SYT9: variants seen among roughly 807,000 people sequenced by gnomAD.
The protein encoded by SYT9 is synaptotagmin 9, also known as synaptotagmin-9.
Under a neutral mutation model 48.4 loss-of-function variants are expected in SYT9, and 22 were observed. The observed-to-expected ratio is 0.45, with a 90% CI of 0.32 to 0.65. The LOEUF is 0.65. Among genes scored for constraint, SYT9 ranks in the 30% least tolerant of loss-of-function variants. SYT9 has a pLI of 0.03. For synonymous variants in SYT9, 265 were observed against 245.0 expected (o/e 1.08, Z -0.76); for missense variants, 577 against 622.0 (o/e 0.93, Z 0.77).
At chr11:7,338,794 GT>G (rs1421234544) in intron 3 of SYT9, among the ~76,000 whole-genome samples, 1 of 152,100 alleles carries the variant, frequency 6.6e-6, no homozygotes. Context: ...TATGTGCCAT[GT>G]AGTGATGAGA....
upstream of SYT9, among the ~76,000 whole-genome samples, chr11:7,251,428 GGGCCTGTGCTT>G (rs1281881262): frequency 2.0e-5 from 3 of 152,096 alleles, no homozygotes; most frequent in Non-Finnish European, 4.4e-5. Flanking sequence ...TGGTCGAAAA[GGGCCTGTGCTT>G]GGGAAATCCT....
chr11:7,266,738 G>A (rs1848191418), intron 1 of SYT9, among the ~76,000 whole-genome samples: 1 of 152,002 alleles, frequency 6.6e-6, no homozygotes, highest in Admixed American at 6.6e-5. Flanking sequence ...ATATGCCTTT[G>A]TTGTAAAATG....
intron 2 of SYT9, among the ~76,000 whole-genome samples, chr11:7,312,934 C>G (rs1423200208): frequency 6.6e-6 from 1 of 152,158 alleles, no homozygotes; most frequent in Non-Finnish European, 1.5e-5. Flanking sequence ...CCTTATAAAG[C>G]TATAAGCCAG....
chr11:7,362,356 A>G (rs1417405337), intron 3 of SYT9, among the ~76,000 whole-genome samples: 1 of 151,632 alleles, frequency 6.6e-6, no homozygotes, highest in Non-Finnish European at 1.5e-5. Context: ...ACTGATCTCA[A>G]ACTCCTGGCC....
intron 3 of SYT9, among the ~76,000 whole-genome samples, chr11:7,386,730 G>C (rs1303401300): frequency 6.6e-6 from 1 of 152,222 alleles, no homozygotes; most frequent in East Asian, 1.9e-4. Flanking sequence ...CATTGTGGAA[G>C]TCAGTGTGGC....
chr11:7,355,891 T>C (rs1445867135), intron 3 of SYT9, among the ~76,000 whole-genome samples: 1 of 152,234 alleles, frequency 6.6e-6, no homozygotes, highest in Admixed American at 6.5e-5. Context: ...CAGGAGCTCA[T>C]TGGTGGCCCA....
chr11:7,339,160 T>G (rs1453931364), intron 3 of SYT9, among the ~76,000 whole-genome samples: 1 of 152,130 alleles, frequency 6.6e-6, no homozygotes, highest in African/African-American at 2.4e-5. Flanking sequence ...TTATCTGAAG[T>G]TAGGATTGCA....
intron 5 of SYT9, among the ~76,000 whole-genome samples, chr11:7,418,775 G>C (rs1344996182): frequency 6.6e-6 from 1 of 152,084 alleles, no homozygotes; most frequent in African/African-American, 2.4e-5. Context: ...TGTATTTAAA[G>C]GACAGATTTG....
chr11:7,429,650 T>C (rs1181586028), intron 6 of SYT9, among the ~76,000 whole-genome samples: 1 of 152,212 alleles, frequency 6.6e-6, no homozygotes, highest in Non-Finnish European at 1.5e-5. Context: ...TTGGTGTTCT[T>C]TGGGAGTGAA....
chr11:7,316,853 G>T (rs1182490442), intron 3 of SYT9, among the ~76,000 whole-genome samples: 1 of 152,290 alleles, frequency 6.6e-6, no homozygotes, highest in African/African-American at 2.4e-5. Context: ...TATATTATTG[G>T]CATTTCTTCA....
intron 6 of SYT9, chr11:7,444,617 G>A (rs1394241133): frequency 6.6e-6 from 1 of 152,108 alleles, no homozygotes; most frequent in Non-Finnish European, 1.5e-5. Flanking sequence ...GTTTTCAGAT[G>A]GTTTTAAGTG....
intron 2 of SYT9, among the ~76,000 whole-genome samples, chr11:7,311,702 A>G (rs954748406): frequency 6.6e-6 from 1 of 152,230 alleles, no homozygotes; most frequent in Non-Finnish European, 1.5e-5. Flanking sequence ...TCTTTTGTAA[A>G]GAAAACTCAA....
At chr11:7,370,037 A>C (rs1022163609) in intron 3 of SYT9, among the ~76,000 whole-genome samples, 2 of 152,008 alleles carry the variant, frequency 1.3e-5, no homozygotes, top group Non-Finnish European at 2.9e-5. Flanking sequence ...TTAGTCTTCT[A>C]TCGCTCACCC....
chr11:7,263,389 G>T (rs1379372196), intron 1 of SYT9, among the ~76,000 whole-genome samples: 1 of 152,136 alleles, frequency 6.6e-6, no homozygotes, highest in Admixed American at 6.6e-5. Flanking sequence ...TCATAGTCTA[G>T]TCACTTCCCC....
At chr11:7,308,696 T>C (rs538000476) in intron 2 of SYT9, among the ~76,000 whole-genome samples, 28 of 152,338 alleles carry the variant, frequency 1.8e-4, no homozygotes, top group African/African-American at 6.5e-4. Context: ...CCCTCTCATC[T>C]TCTGGTGGGG....
chr11:7,274,032 C>T lies in SYT9; in HGVS notation c.145+21701C>T, dbSNP rs535151505. Among the ~76,000 whole-genome samples the T allele has an allele frequency of 5.3e-5, 8 of 152,266 alleles. No homozygotes were observed. In the East Asian group the frequency reaches 1.2e-3, roughly 22 times the overall value. The stretch of plus-strand genomic sequence containing the variant: ...TGTATACCTATGTAACAAATCTGCA[C>T]GTTCTGCACATGTATCCCAGAACTT... On this transcript the variant is annotated intron_variant, in intron 1 of 6. Coordinates refer to ENST00000318881, the MANE Select transcript of SYT9 (RefSeq NM_175733.4).
intron 6 of SYT9, among the ~76,000 whole-genome samples, chr11:7,428,768 G>A (rs939424538): frequency 1.3e-5 from 2 of 152,150 alleles, no homozygotes; most frequent in African/African-American, 4.8e-5. Flanking sequence ...TCCATGTGAC[G>A]AGGGAGATGA....
intron 1 of SYT9, among the ~76,000 whole-genome samples, chr11:7,276,863 T>G (rs1467811259): frequency 8.0e-5 from 12 of 150,578 alleles, no homozygotes. Context: ...CTGGCCAACA[T>G]AGCGAAACCT....
At chr11:7,439,218 A>G (rs1847776897) in intron 6 of SYT9, 1 of 152,252 alleles carries the variant, frequency 6.6e-6, no homozygotes. Flanking sequence ...GGAGGCATGC[A>G]CACAGCTTAG....
Sources: gnomAD v4.1 joint callset for allele counts (sites outside exome capture counted in the v4.1 genomes callset) on GRCh38, gnomAD v4.1.1 for gene constraint, MANE v1.5 for transcripts, NCBI Gene and HGNC (gene_info 2026-07-23, HGNC 2026-07-21) for gene names.